Variants in GRID1 observed in about 807,000 individuals in gnomAD.
The protein encoded by GRID1 is glutamate receptor ionotropic, delta-1.
GRID1 carries 28 observed loss-of-function variants against 98.0 expected under a neutral mutation model. The observed-to-expected ratio is 0.29, with a 90% CI of 0.21 to 0.39. The LOEUF (loss-of-function observed/expected upper bound fraction) is 0.39, where lower values mean the gene tolerates loss of function less well. Ranked by LOEUF, GRID1 falls within the 10% of genes least tolerant of loss-of-function variation. The pLI is 1.00. For missense variants in GRID1, 1,111 were observed against 1,340.5 expected (o/e 0.83, Z 2.67); for synonymous variants, 553 against 538.5 (o/e 1.03, Z -0.37).
At chr10:86,219,064 C>A (rs1214517280) in intron 2 of GRID1, among the ~76,000 whole-genome samples, 1 of 152,238 alleles carries the variant, frequency 6.6e-6, no homozygotes. Context: ...GTAAAAGTCA[C>A]AGGGATGCCC....
At chr10:85,869,693 T>C (rs908260869) in intron 5 of GRID1, among the ~76,000 whole-genome samples, 1 of 152,222 alleles carries the variant, frequency 6.6e-6, no homozygotes, top group African/African-American at 2.4e-5. Flanking sequence ...CCACAAAATC[T>C]ACCTATATCT....
intron 4 of GRID1, among the ~76,000 whole-genome samples, chr10:86,030,498 C>T (rs1307112881): frequency 6.6e-6 from 1 of 152,232 alleles, no homozygotes; most frequent in Non-Finnish European, 1.5e-5. Flanking sequence ...TGACAGCAAT[C>T]AAACTCCAAA....
chr10:85,712,679 A>G (rs1045510874), intron 12 of GRID1, among the ~76,000 whole-genome samples: 1 of 151,870 alleles, frequency 6.6e-6, no homozygotes, highest in Non-Finnish European at 1.5e-5. Context: ...AGACCACAAA[A>G]CAAGTTTAAC....
chr10:85,854,527 T>C lies in GRID1; in HGVS notation c.1202A>G (p.Tyr401Cys). ...YVQFEILGTT[Y>C]SETFGKDMRK... Reference sequence around the variant, plus strand: ...CATGTCTTTGCCAAAAGTCTCACTATAGGTAGTGCCAAGGATTTCAAACTG... The same window carrying C: ...CATGTCTTTGCCAAAAGTCTCACTACAGGTAGTGCCAAGGATTTCAAACTG... Residue 401 changes from tyrosine (Y) to cysteine (C), a missense_variant, in exon 8 of 16, where the codon TAT (tyrosine) becomes TGT (cysteine). By Grantham distance (194) the Tyr-to-Cys change is radical. Around this residue, in one of 3 missense-constraint regions of GRID1, gnomAD observed 762 missense variants for 869.1 expected, o/e 0.88. Coordinates refer to ENST00000327946, the MANE Select transcript of GRID1 (RefSeq NM_017551.3). 1.2e-6 allele frequency: 2 copies of C among 1,613,692 alleles called. No homozygotes were observed. The highest frequency in any genetic ancestry group is 1.7e-6 in the Non-Finnish European group (2 of 1,179,562).
At chr10:85,646,957 C>A in intron 13 of GRID1, 1 of 540,712 alleles carries the variant, frequency 1.8e-6, no homozygotes, top group South Asian at 2.2e-5. Context: ...GAGGGTGGGC[C>A]AAAAGTCAGG....
chr10:85,893,672 A>C (rs1841238107), intron 5 of GRID1, among the ~76,000 whole-genome samples: 1 of 152,242 alleles, frequency 6.6e-6, no homozygotes, highest in Non-Finnish European at 1.5e-5. Context: ...GACTAATTTA[A>C]CAACAAGACC....
chr10:86,355,299 T>C (rs1369079105), intron 2 of GRID1, among the ~76,000 whole-genome samples: 4 of 152,144 alleles, frequency 2.6e-5, no homozygotes, highest in Non-Finnish European at 5.9e-5. Context: ...CCACGGATGC[T>C]CCAGTGGAGG....
Position 86,184,271 on chromosome 10 carries a change from A to T in GRID1, c.520+22093T>A, listed in dbSNP as rs188854933. Among the ~76,000 whole-genome samples the T allele has an allele frequency of 1.2e-3, 183 of 152,176 alleles. 1 individual carries two copies. The highest frequency in any genetic ancestry group is 4.2e-3 in the African/African-American group (176 of 41,514). Reference sequence around the variant, plus strand: ...AATTTTAATAAAATCTGGCTGATCAATTTTTTTATTTTATGGATTGTGCTT... The same window carrying T: ...AATTTTAATAAAATCTGGCTGATCATTTTTTTTATTTTATGGATTGTGCTT... On this transcript the variant is annotated intron_variant, in intron 3 of 15. Transcript: ENST00000327946.
At chr10:86,317,858 A>G (rs1847920374) in intron 2 of GRID1, among the ~76,000 whole-genome samples, 1 of 152,088 alleles carries the variant, frequency 6.6e-6, no homozygotes, top group African/African-American at 2.4e-5. Context: ...CTCCCACCCC[A>G]GCCTCCTGAG....
chr10:85,648,351 G>C (rs890361144), intron 12 of GRID1, among the ~76,000 whole-genome samples: 1 of 152,198 alleles, frequency 6.6e-6, no homozygotes. Context: ...TTGGCTCAGC[G>C]TGTTGACAGA....
intron 8 of GRID1, among the ~76,000 whole-genome samples, chr10:85,812,416 G>A (rs955730626): frequency 1.3e-5 from 2 of 152,156 alleles, no homozygotes; most frequent in African/African-American, 4.8e-5. Flanking sequence ...AAAAAATGAT[G>A]ATCAGGGTGT....
intron 8 of GRID1, among the ~76,000 whole-genome samples, chr10:85,780,859 TC>T (rs1842375068): frequency 6.6e-6 from 1 of 152,234 alleles, no homozygotes; most frequent in Non-Finnish European, 1.5e-5. Context: ...TTCAAAAACT[TC>T]CTGGCACATA....
chr10:86,128,845 C>A (rs918987975), intron 4 of GRID1, among the ~76,000 whole-genome samples: 3 of 152,174 alleles, frequency 2.0e-5, no homozygotes, highest in Non-Finnish European at 2.9e-5. Flanking sequence ...AGTCACTGGG[C>A]ATGTTCTGGG....
chr10:85,675,262 T>G (rs1841131912), intron 12 of GRID1, among the ~76,000 whole-genome samples: 1 of 152,254 alleles, frequency 6.6e-6, no homozygotes, highest in Non-Finnish European at 1.5e-5. Flanking sequence ...TGAGGCACAT[T>G]AGGGCTAGCA....
At position 86,363,538 on chromosome 10, in the gene GRID1, G is replaced by C. The variant is rs557572435; in HGVS notation, c.235+403C>G. ...CTCACCTCGAAGCGAGGAAAACACC[G>C]GGCCACTGAGATCAGGGGAGGTGCG... On this transcript the variant is annotated intron_variant, in intron 2 of 15. Transcript: ENST00000327946. Among the ~76,000 whole-genome samples the C allele has an allele frequency of 2.0e-5, 3 of 152,252 alleles. No individual in the cohort carries two copies. In the South Asian group the frequency reaches 6.2e-4, roughly 32 times the overall value.
intron 3 of GRID1, among the ~76,000 whole-genome samples, chr10:86,184,329 C>T (rs1285129032): frequency 6.6e-6 from 1 of 152,038 alleles, no homozygotes; most frequent in Non-Finnish European, 1.5e-5. Flanking sequence ...TTTGCCTAAC[C>T]TAGGGTCACA....
intron 2 of GRID1, among the ~76,000 whole-genome samples, chr10:86,309,982 C>T (rs768365293): frequency 6.6e-6 from 1 of 152,190 alleles, no homozygotes; most frequent in Non-Finnish European, 1.5e-5. Context: ...AGCTTCAAGC[C>T]CACTACCACC....
At chr10:85,962,787 C>G (rs534017505) in intron 4 of GRID1, among the ~76,000 whole-genome samples, 1 of 152,260 alleles carries the variant, frequency 6.6e-6, no homozygotes, top group African/African-American at 2.4e-5. Flanking sequence ...CAGTACTACC[C>G]TTCCAGATAT....
At chr10:86,021,266 G>C (rs1028371270) in intron 4 of GRID1, among the ~76,000 whole-genome samples, 1 of 152,136 alleles carries the variant, frequency 6.6e-6, no homozygotes, top group African/African-American at 2.4e-5. Context: ...TCTCAGGAGA[G>C]ACTCCTTGGC....
Sources: allele counts gnomAD v4.1 joint callset (sites outside exome capture counted in the v4.1 genomes callset), GRCh38; gene constraint gnomAD v4.1.1; regional missense constraint gnomAD v4.1.1; transcripts MANE v1.5; gene names NCBI Gene and HGNC (gene_info 2026-07-23, HGNC 2026-07-21).